SGK3: variants seen among roughly 807,000 people sequenced by gnomAD.
SGK3 encodes serine/threonine-protein kinase Sgk3.
In SGK3, 47 loss-of-function variants were observed where a neutral mutation model predicts 68.5. The ratio of observed to expected loss-of-function variants is 0.69; its 90% confidence interval spans 0.54 to 0.87. The LOEUF is 0.87. Ranked by LOEUF, SGK3 falls within the 40% of genes least tolerant of loss-of-function variation. The pLI is 0.00. For missense variants in SGK3, 479 were observed against 575.5 expected, an observed-to-expected ratio of 0.83 and a Z score of 1.72; for synonymous variants, 181 against 189.1, an observed-to-expected ratio of 0.96 and a Z score of 0.35.
At chr8:66,720,345 T>C (rs1407135260) in intron 1 of SGK3, among the ~76,000 whole-genome samples, 1 of 152,182 alleles carries the variant, frequency 6.6e-6, no homozygotes, top group Non-Finnish European at 1.5e-5. Context: ...CAGTTAGGAA[T>C]TAGAACAGCT....
intron 2 of SGK3, among the ~76,000 whole-genome samples, chr8:66,798,231 C>A (rs1235752936): frequency 6.6e-6 from 1 of 152,012 alleles, no homozygotes; most frequent in African/African-American, 2.4e-5. Flanking sequence ...TGGTCTCCAG[C>A]TCCTATGCTC....
chr8:66,749,110 G>T (rs1408872764), intron 1 of SGK3, among the ~76,000 whole-genome samples: 1 of 152,108 alleles, frequency 6.6e-6, no homozygotes, highest in East Asian at 1.9e-4. Context: ...AGAAAATATG[G>T]TTAAGAAAAT....
intron 5 of SGK3, among the ~76,000 whole-genome samples, chr8:66,819,814 T>G (rs1235334659): frequency 6.6e-6 from 1 of 151,872 alleles, no homozygotes; most frequent in African/African-American, 2.4e-5. Flanking sequence ...TTTTGTTTTT[T>G]GTTTTTTGGT....
At chr8:66,751,926 C>T (rs368179728) in intron 1 of SGK3, among the ~76,000 whole-genome samples, 6 of 151,888 alleles carry the variant, frequency 4.0e-5, no homozygotes, top group South Asian at 2.1e-4. Flanking sequence ...CCACCACAGC[C>T]GGCTAATTTT....
intron 1 of SGK3, among the ~76,000 whole-genome samples, chr8:66,766,915 G>A (rs1367278489): frequency 3.9e-5 from 6 of 152,076 alleles, no homozygotes; most frequent in Non-Finnish European, 5.9e-5. Context: ...GCAGTGGCGC[G>A]ATCTCCGCCC....
At chr8:66,723,140 T>TTTTTC (rs1804872865) in intron 1 of SGK3, among the ~76,000 whole-genome samples, 1 of 117,704 alleles carries the variant, frequency 8.5e-6, no homozygotes, top group Non-Finnish European at 1.7e-5. Context: ...TATTTTTTTT[T>TTTTTC]TTTTTTTTTT....
intron 1 of SGK3, among the ~76,000 whole-genome samples, chr8:66,761,464 A>G (rs1188904430): frequency 6.6e-6 from 1 of 152,206 alleles, no homozygotes; most frequent in African/African-American, 2.4e-5. Flanking sequence ...AAGGCAAATA[A>G]CATCTTTGTG....
intron 6 of SGK3, among the ~76,000 whole-genome samples, chr8:66,827,052 ATAC>A (rs1321221445): frequency 2.1e-4 from 32 of 152,162 alleles, no homozygotes; most frequent in Non-Finnish European, 7.3e-5. Context: ...GTAAAAATAA[ATAC>A]TACATATGTC....
rs747354281 is a variant in SGK3, at chr8:66,840,242, T to C, written c.886T>C (p.Ser296Pro). ...DLKPENILLDSVGHVVLTDFG... is the reference protein window; with the variant it reads ...DLKPENILLDPVGHVVLTDFG... ...GAAACCAGAAAATATTCTTTTGGAT[T>C]CAGTAGTAAGTATTCTCTTTTAAAA... is the stretch of plus-strand genomic sequence containing the variant. The change falls in exon 12 of 17, where the codon TCA (serine) becomes CCA (proline). Residue 296 changes from serine to proline, a missense_variant. Physicochemically the swap from Ser to Pro is moderately conservative, Grantham distance 74 (BLOSUM62 -1). This residue lies in a region of SGK3 where 8 missense variants were observed against 31.8 expected (regional missense o/e 0.25). Coordinates refer to ENST00000521198, the MANE Select transcript of SGK3 (RefSeq NM_001033578.3). The C allele has an allele frequency of 1.3e-6, 2 of 1,586,630 alleles. No individual in the cohort carries two copies. The highest frequency in any genetic ancestry group is 2.3e-5 in the South Asian group (2 of 85,810).
Position 66,840,059 on chromosome 8 carries a change from C to T in SGK3, c.798C>T (p.Tyr266=), listed in dbSNP as rs367771883. 5.0e-6 allele frequency: 8 copies of T among 1,613,466 alleles called. No homozygotes were observed. Among genetic ancestry groups the T allele is most frequent in the East Asian group, 2.2e-5 (1 of 44,850 alleles). The change falls in exon 11 of 17, where the codon TAC becomes TAT. Residue 266 remains tyrosine (Y), a synonymous_variant. Coordinates refer to ENST00000521198, the MANE Select transcript of SGK3 (RefSeq NM_001033578.3). The part of the protein sequence containing the change: ...RSFPEHRARF[Y]AAEIASALGY... ...TTCCTGAGCACAGAGCTAGGTTTTA[C>T]GCTGCTGAAATTGCTAGTGCATTGG...
At chr8:66,823,910 A>G (rs1243963958) in intron 6 of SGK3, among the ~76,000 whole-genome samples, 2 of 152,194 alleles carry the variant, frequency 1.3e-5, no homozygotes, top group Non-Finnish European at 2.9e-5. Flanking sequence ...ATTATTAAAT[A>G]TATGCATGAA....
intron 16 of SGK3, among the ~76,000 whole-genome samples, chr8:66,857,029 G>A (rs1021380283): frequency 6.6e-6 from 1 of 152,050 alleles, no homozygotes; most frequent in African/African-American, 2.4e-5. Flanking sequence ...GGAAGTGGAG[G>A]TTTGAGTGAG....
chr8:66,833,286 A>G (rs1809377373), intron 8 of SGK3, among the ~76,000 whole-genome samples: 1 of 152,056 alleles, frequency 6.6e-6, no homozygotes, highest in South Asian at 2.1e-4. Context: ...GATTACAGGC[A>G]TGAGCCACTG....
chr8:66,844,040 T>C (rs1809910870), intron 14 of SGK3, among the ~76,000 whole-genome samples: 1 of 151,702 alleles, frequency 6.6e-6, no homozygotes, highest in African/African-American at 2.4e-5. Flanking sequence ...TTGTTACTAG[T>C]TTTTTTAAAT....
At chr8:66,716,237 A>C (rs1458627856) in intron 1 of SGK3, among the ~76,000 whole-genome samples, 1 of 152,166 alleles carries the variant, frequency 6.6e-6, no homozygotes, top group Admixed American at 6.5e-5. Context: ...GGTAAATCTA[A>C]GAGGTGCTAC....
intron 1 of SGK3, among the ~76,000 whole-genome samples, chr8:66,776,091 C>T (rs1457626788): frequency 6.6e-6 from 1 of 152,186 alleles, no homozygotes; most frequent in Non-Finnish European, 1.5e-5. Flanking sequence ...GGAAAACCTA[C>T]GTATATTCTT....
At chr8:66,809,894 CTCT>C (rs1459521446) in intron 4 of SGK3, among the ~76,000 whole-genome samples, 1 of 152,192 alleles carries the variant, frequency 6.6e-6, no homozygotes, top group African/African-American at 2.4e-5. Context: ...GTGAGTGGGC[CTCT>C]TCTTAAGGGG....
At position 66,836,019 on chromosome 8, in the gene SGK3, C is replaced by G. The variant is rs1809514029; in HGVS notation, c.686C>G (p.Ser229Cys). ...KHPFLVGLHY[S>C]FQTTEKLYFV... is the part of the protein sequence containing the mutation. ...CCGTTTTTGGTTGGATTGCATTATTCCTTCCAAACAACTGAAAAGCTTTAT... is the reference window on the plus strand; with the variant it reads ...CCGTTTTTGGTTGGATTGCATTATTGCTTCCAAACAACTGAAAAGCTTTAT... Residue 229 changes from serine (S) to cysteine (C), a missense_variant, in exon 10 of 17, where the codon TCC (serine) becomes TGC (cysteine). Ser to Cys is a moderately radical substitution (Grantham distance 112). Coordinates refer to ENST00000521198, the MANE Select transcript of SGK3 (RefSeq NM_001033578.3). 1 of 1,613,510 alleles carries G rather than the reference C, an allele frequency of 6.2e-7. No individual in the cohort carries two copies. Among genetic ancestry groups the G allele is most frequent in the Admixed American group, 1.7e-5 (1 of 59,960 alleles).
At chr8:66,815,516 T>G (rs937916629) in intron 5 of SGK3, among the ~76,000 whole-genome samples, 4 of 152,358 alleles carry the variant, frequency 2.6e-5, no homozygotes, top group African/African-American at 9.6e-5. Context: ...CCTGGGGATA[T>G]ACGCTATGCT....
Sources: allele counts gnomAD v4.1 joint callset (sites outside exome capture counted in the v4.1 genomes callset), GRCh38; gene constraint gnomAD v4.1.1; regional missense constraint gnomAD v4.1.1; transcripts MANE v1.5; gene names NCBI Gene and HGNC (gene_info 2026-07-23, HGNC 2026-07-21).